The following TTC3 variants were observed in gnomAD, a reference collection of about 807,000 sequenced individuals.
TTC3 encodes tetratricopeptide repeat domain 3.
Under a neutral mutation model 249.6 loss-of-function variants are expected in TTC3, and 180 were observed. That is an observed-to-expected ratio of 0.72 (90% CI 0.64 to 0.82). The LOEUF is 0.82. Among genes scored for constraint, TTC3 ranks in the 40% least tolerant of loss-of-function variants. The pLI is 0.00. For missense variants in TTC3, 2,061 were observed against 2,398.4 expected (o/e 0.86, Z 2.94); for synonymous variants, 717 against 805.0 (o/e 0.89, Z 1.85).
intron 9 of TTC3, 135 bp downstream of exon 9, chr21:37,095,579 G>C (rs546563308): frequency 1.6e-4 from 96 of 593,336 alleles, no homozygotes; most frequent in Middle Eastern, 1.1e-3. Context: ...TCTCATCCTT[G>C]GGTGTTGGAA....
intron 38 of TTC3, 37 bp downstream of exon 38, chr21:37,187,182 G>T (rs1316495195): frequency 1.4e-6 from 2 of 1,460,864 alleles, no homozygotes; most frequent in African/African-American, 2.9e-5. Context: ...TATGGCATTT[G>T]TCATTTGTTT....
exon 23 of TTC3, chr21:37,148,628 T>A (rs769111290): frequency 6.3e-7 from 1 of 1,597,116 alleles, no homozygotes; most frequent in Non-Finnish European, 8.5e-7. Context: ...ACTACAACCT[T>A]TAATGATAAA....
At chr21:37,201,496 TCTC>T in exon 46 of TTC3, 1 of 1,614,010 alleles carries the variant, frequency 6.2e-7, no homozygotes, top group Non-Finnish European at 8.5e-7. Flanking sequence ...AGGGTCGTGA[TCTC>T]CTGACAGAAG....
chr21:37,166,430 A>G lies in TTC3; in HGVS notation c.4216A>G (p.Ile1406Val). Residue 1406 changes from isoleucine to valine, a missense_variant, in exon 33 of 46, where the codon ATC (isoleucine) becomes GTC (valine). Around this residue, in one of 3 missense-constraint regions of TTC3, gnomAD observed 1,040 missense variants for 1,186.1 expected, o/e 0.88. Transcript: ENST00000355666. ...TCACCAGATTGCCTCTGAAACACAG[A>G]TCCTTGAGGGCTCTTTGGGAATATC... The G allele has an allele frequency of 6.2e-7, 1 of 1,614,174 alleles. No homozygotes were observed. Among genetic ancestry groups the G allele is most frequent in the African/African-American group, 1.3e-5 (1 of 75,044 alleles).
At chr21:37,161,316 C>T (rs73204043) in intron 30 of TTC3, among the ~76,000 whole-genome samples, 1 of 152,110 alleles carries the variant, frequency 6.6e-6, no homozygotes, top group Non-Finnish European at 1.5e-5. Context: ...CCTTCTCTCA[C>T]CCAGGCTGGA....
chr21:37,182,989 A>G (rs2082900444), intron 36 of TTC3, 76 bp downstream of exon 36: 1 of 1,227,028 alleles, frequency 8.1e-7, no homozygotes, highest in Middle Eastern at 2.4e-4. Flanking sequence ...CACATTTTTG[A>G]TATTTAATAT....
At chr21:37,149,462 TCTTTGTCTTAC>T (rs1331326951) in intron 23 of TTC3, among the ~76,000 whole-genome samples, 2 of 152,324 alleles carry the variant, frequency 1.3e-5, no homozygotes, top group East Asian at 3.9e-4. Context: ...TTCTGCTATG[TCTTTGTCTTAC>T]CTAAATTGAG....
intron 27 of TTC3, among the ~76,000 whole-genome samples, chr21:37,154,274 G>A (rs989565568): frequency 1.5e-4 from 23 of 152,292 alleles, no homozygotes; most frequent in African/African-American, 4.8e-4. Flanking sequence ...TCTGCCAGCC[G>A]TCCCCACCTG....
exon 32 of TTC3, chr21:37,164,120 C>G (rs1053828): frequency 9.3e-6 from 15 of 1,613,382 alleles, no homozygotes; most frequent in Non-Finnish European, 1.3e-5. Context: ...TAGAAGAATT[C>G]GAAGCTCTCT....
chr21:37,124,318 T>C (rs1317230855), intron 13 of TTC3, among the ~76,000 whole-genome samples: 1 of 151,866 alleles, frequency 6.6e-6, no homozygotes, highest in Admixed American at 6.6e-5. Flanking sequence ...GGTCTCACCA[T>C]GTTGGCCAGG....
intron 17 of TTC3, among the ~76,000 whole-genome samples, chr21:37,133,045 A>G (rs1317956383): frequency 3.3e-5 from 5 of 152,194 alleles, no homozygotes; most frequent in East Asian, 3.8e-4. Flanking sequence ...TAAGAATCCA[A>G]TCTATCACTA....
intron 27 of TTC3, among the ~76,000 whole-genome samples, chr21:37,154,995 G>T (rs1290647952): frequency 1.3e-5 from 2 of 152,070 alleles, no homozygotes; most frequent in Non-Finnish European, 1.5e-5. Flanking sequence ...GCGCCCGGTC[G>T]ATATAATCCA....
intron 21 of TTC3, among the ~76,000 whole-genome samples, chr21:37,146,558 A>G (rs1481364711): frequency 6.6e-6 from 1 of 151,818 alleles, no homozygotes; most frequent in Non-Finnish European, 1.5e-5. Flanking sequence ...TGCAGCATGG[A>G]TGGACCTTGG....
At chr21:37,093,233 G>A (rs1054011782) in intron 7 of TTC3, 5 of 152,282 alleles carry the variant, frequency 3.3e-5, no homozygotes, top group Middle Eastern at 3.4e-3. Context: ...AAAAAAATTA[G>A]CCAGGTGTGG....
At chr21:37,155,049 T>G (rs2079889052) in intron 27 of TTC3, among the ~76,000 whole-genome samples, 1 of 152,216 alleles carries the variant, frequency 6.6e-6, no homozygotes, top group African/African-American at 2.4e-5. Context: ...TAAGGATATA[T>G]GTATACTATT....
At chr21:37,148,160 A>G (rs964363554) in intron 22 of TTC3, among the ~76,000 whole-genome samples, 4 of 152,194 alleles carry the variant, frequency 2.6e-5, no homozygotes, top group Non-Finnish European at 5.9e-5. Flanking sequence ...CCTTAGGAGG[A>G]TAGGAAACAA....
chr21:37,150,865 C>G (rs1005452032), exon 25 of TTC3: 1 of 1,609,568 alleles, frequency 6.2e-7, no homozygotes, highest in East Asian at 2.2e-5. Context: ...AAGACCTATT[C>G]TGAAACAGAA....
intron 27 of TTC3, 50 bp from the exon 28 acceptor site, chr21:37,156,605 C>G (rs1394225129): frequency 6.4e-7 from 1 of 1,558,852 alleles, no homozygotes; most frequent in Non-Finnish European, 8.6e-7. Flanking sequence ...TGTGATTTTA[C>G]AGTAAATAAT....
At chr21:37,088,009 A>G (rs928676130) in intron 3 of TTC3, 134 bp downstream of exon 3, 3 of 959,132 alleles carry the variant, frequency 3.1e-6, no homozygotes, top group Non-Finnish European at 4.6e-6. Context: ...ACTAGAAATC[A>G]GAACTTTTCT....
Sources: allele counts gnomAD v4.1 joint callset (sites outside exome capture counted in the v4.1 genomes callset), GRCh38; gene constraint gnomAD v4.1.1; regional missense constraint gnomAD v4.1.1; transcripts MANE v1.5; gene names NCBI Gene and HGNC (gene_info 2026-07-23, HGNC 2026-07-21).